HEATR5B: variants seen among roughly 807,000 people sequenced by gnomAD.
HEATR5B encodes HEAT repeat-containing protein 5B.
HEATR5B carries 156 observed loss-of-function variants against 224.1 expected under a neutral mutation model. That is an observed-to-expected ratio of 0.70 (90% CI 0.61 to 0.80). HEATR5B has a LOEUF of 0.80. Among genes scored for constraint, HEATR5B ranks in the 30% least tolerant of loss-of-function variants. The pLI, the probability that HEATR5B is intolerant of heterozygous loss-of-function variation, is 0.00. For synonymous variants in HEATR5B, 1,027 were observed against 893.0 expected (o/e 1.15, Z -2.68); for missense variants, 2,323 against 2,535.5 (o/e 0.92, Z 1.80).
chr2:37,072,107 T>A lies in HEATR5B; in HGVS notation c.769+3A>T. ...GGTCTAAATCAAGGGCAAACAACAA[T>A]ACCTGTTGCCTGTTTTGGCATTAAT... On this transcript the variant is annotated splice_donor_region_variant and intron_variant, in intron 6 of 35. Coordinates refer to ENST00000233099, the MANE Select transcript of HEATR5B (RefSeq NM_019024.3). The A allele has an allele frequency of 6.2e-7, 1 of 1,610,562 alleles. No individual in the cohort carries two copies. Among genetic ancestry groups the A allele is most frequent in the Non-Finnish European group, 8.5e-7 (1 of 1,177,642 alleles).
intron 17 of HEATR5B, among the ~76,000 whole-genome samples, chr2:37,053,135 T>C (rs944094165): frequency 3.9e-5 from 6 of 152,248 alleles, no homozygotes; most frequent in Non-Finnish European, 8.8e-5. Flanking sequence ...CTTTCAATTA[T>C]GTAACACTGC....
At position 37,066,011 on chromosome 2, in the gene HEATR5B, C is replaced by T. The variant is rs544775669; in HGVS notation, c.1178-101G>A. The stretch of plus-strand genomic sequence containing the variant: ...GATTTTAGCCATACCAGTTGATGTC[C>T]GAGTGTTAAAAACTATGCAGTTATT... On this transcript the variant is annotated intron_variant, in intron 8 of 35. Transcript: ENST00000233099. The T allele has an allele frequency of 3.0e-4, 295 of 976,644 alleles. No homozygotes were observed. The African/African-American group carries it at 3.2e-3, about 10-fold the overall frequency. 60.5% of individuals were successfully genotyped at this position (976,644 alleles called of 1,614,324 possible).
At chr2:37,020,110 G>A (rs925248194) in intron 25 of HEATR5B, among the ~76,000 whole-genome samples, 1 of 152,044 alleles carries the variant, frequency 6.6e-6, no homozygotes, top group Non-Finnish European at 1.5e-5. Flanking sequence ...TCACCATGTT[G>A]GCCTGGCTGG....
chr2:37,060,700 A>G lies in HEATR5B; in HGVS notation c.1730T>C (p.Met577Thr). 1 of 1,613,844 alleles carries G rather than the reference A, an allele frequency of 6.2e-7. No homozygotes were observed. Residue 577 changes from methionine (M) to threonine (T), a missense_variant, in exon 12 of 36, where the codon ATG (methionine) becomes ACG (threonine). Transcript: ENST00000233099. ...GAAAACATTTCGCCACAATAACAAC[A>G]TCTTGGGCAGATGGTAACGAACGAC... ...PSVVRYHLPK[M>T]LLLWRNVFPR...
intron 24 of HEATR5B, among the ~76,000 whole-genome samples, chr2:37,022,267 C>A (rs995284235): frequency 2.0e-5 from 3 of 151,998 alleles, no homozygotes; most frequent in Non-Finnish European, 4.4e-5. Context: ...AACTCTGCCC[C>A]CAAAGGGTTC....
intron 8 of HEATR5B, among the ~76,000 whole-genome samples, chr2:37,066,359 T>C (rs536504180): frequency 6.6e-6 from 1 of 152,318 alleles, no homozygotes; most frequent in Non-Finnish European, 1.5e-5. Flanking sequence ...AGTCAGTGCA[T>C]ATAAAGAATT....
intron 33 of HEATR5B, 36 bp from the exon 34 acceptor site, chr2:36,990,835 A>G: frequency 6.6e-7 from 1 of 1,511,060 alleles, no homozygotes; most frequent in Non-Finnish European, 8.9e-7. Flanking sequence ...TGCTGTTTCT[A>G]AAACATTTTG....
intron 35 of HEATR5B, among the ~76,000 whole-genome samples, chr2:36,985,227 T>C (rs1665865013): frequency 6.6e-6 from 1 of 152,214 alleles, no homozygotes; most frequent in Non-Finnish European, 1.5e-5. Context: ...TTTACATTCA[T>C]TCATTTATTT....
At chr2:36,999,077 G>A (rs564005692) in intron 33 of HEATR5B, among the ~76,000 whole-genome samples, 2 of 151,986 alleles carry the variant, frequency 1.3e-5, no homozygotes, top group African/African-American at 4.8e-5. Flanking sequence ...GCTGGGCGTG[G>A]TGGTGCGTGC....
At chr2:37,054,190 C>CTTT (rs1242821499) in intron 16 of HEATR5B, among the ~76,000 whole-genome samples, 7 of 93,710 alleles carry the variant, frequency 7.5e-5, no homozygotes, top group East Asian at 6.8e-4. Context: ...GATGATTTCT[C>CTTT]TGTTTTTTTT....
intron 21 of HEATR5B, among the ~76,000 whole-genome samples, chr2:37,033,176 G>A (rs1002848045): frequency 2.6e-5 from 4 of 152,096 alleles, no homozygotes; most frequent in Admixed American, 6.5e-5. Context: ...ACCGTGCCCC[G>A]CCCTAATGAA....
intron 33 of HEATR5B, among the ~76,000 whole-genome samples, chr2:36,998,102 A>C (rs774338174): frequency 2.0e-5 from 3 of 152,102 alleles, no homozygotes; most frequent in African/African-American, 4.8e-5. Flanking sequence ...TGTTCCACTG[A>C]TTCTTGGGCC....
intron 4 of HEATR5B, among the ~76,000 whole-genome samples, 198 bp downstream of exon 4, chr2:37,076,713 C>T (rs1343897454): frequency 6.7e-6 from 1 of 148,562 alleles, no homozygotes; most frequent in African/African-American, 2.5e-5. Context: ...AACAAGTAAA[C>T]CTATTCCTTG....
At chr2:37,004,966 A>G (rs1418947911) in intron 30 of HEATR5B, among the ~76,000 whole-genome samples, 2 of 152,138 alleles carry the variant, frequency 1.3e-5, no homozygotes, top group Admixed American at 6.6e-5. Context: ...GGGCTGACAG[A>G]ATGATCCTTC....
intron 18 of HEATR5B, among the ~76,000 whole-genome samples, chr2:37,047,581 G>T (rs949160629): frequency 6.6e-6 from 1 of 152,086 alleles, no homozygotes; most frequent in Admixed American, 6.6e-5. Flanking sequence ...AACTATCAAA[G>T]ATTTTTATTT....
intron 12 of HEATR5B, among the ~76,000 whole-genome samples, chr2:37,059,465 T>TATATA (rs1491341061): frequency 2.9e-4 from 13 of 45,038 alleles, no homozygotes; most frequent in African/African-American, 9.2e-4. Flanking sequence ...TATATATATA[T>TATATA]TTTTTTTTTT....
intron 5 of HEATR5B, among the ~76,000 whole-genome samples, chr2:37,073,189 C>A (rs775046893): frequency 5.3e-5 from 8 of 152,174 alleles, no homozygotes; most frequent in Non-Finnish European, 7.3e-5. Context: ...CACAGATACA[C>A]ATTTCTAAAC....
intron 35 of HEATR5B, among the ~76,000 whole-genome samples, chr2:36,988,264 T>C (rs533080032): frequency 2.0e-5 from 3 of 152,112 alleles, no homozygotes; most frequent in South Asian, 4.1e-4. Flanking sequence ...CTGGTTTTTT[T>C]TCTTTTCTTT....
At chr2:36,982,863 TAC>T (rs3836070) in intron 35 of HEATR5B, among the ~76,000 whole-genome samples, 11,534 of 125,844 alleles carry the variant, frequency 0.092, 517 homozygotes, top group African/African-American at 0.13. Context: ...CAGACACAGA[TAC>T]ACACACACAC....
Sources: allele counts gnomAD v4.1 joint callset (sites outside exome capture counted in the v4.1 genomes callset), GRCh38; gene constraint gnomAD v4.1.1; transcripts MANE v1.5; gene names NCBI Gene and HGNC (gene_info 2026-07-23, HGNC 2026-07-21).